The following STPG2 variants were observed in gnomAD, a reference collection of about 807,000 sequenced individuals.
STPG2 encodes sperm tail PG-rich repeat containing 2.
Under a neutral mutation model 54.2 loss-of-function variants are expected in STPG2, and 56 were observed. That is an observed-to-expected ratio of 1.03 (90% CI 0.83 to 1.29). The LOEUF (loss-of-function observed/expected upper bound fraction) is 1.29, where lower values mean the gene tolerates loss of function less well. STPG2 is among the 50% of genes most tolerant of loss of function. The probability of loss-of-function intolerance (pLI) is 0.00; values close to 1 mark genes in which losing one functional copy is unlikely to be tolerated. For synonymous variants in STPG2, 200 were observed against 181.8 expected, an observed-to-expected ratio of 1.10 and a Z score of -0.81; for missense variants, 596 against 544.9, an observed-to-expected ratio of 1.09 and a Z score of -0.93.
At chr4:97,924,286 A>G (rs1330304524) in intron 8 of STPG2, among the ~76,000 whole-genome samples, 2 of 152,168 alleles carry the variant, frequency 1.3e-5, no homozygotes, top group East Asian at 3.9e-4. Context: ...CCAAGAACCC[A>G]CCAATTCCAG....
intron 4 of STPG2, among the ~76,000 whole-genome samples, chr4:97,541,403 C>T (rs910373036): frequency 3.3e-4 from 50 of 152,218 alleles, no homozygotes; most frequent in African/African-American, 1.2e-3. Flanking sequence ...CCTAGGAATC[C>T]AAGTTACAAG....
At chr4:97,674,284 G>A (rs1489706506) in intron 10 of STPG2, among the ~76,000 whole-genome samples, 1 of 150,990 alleles carries the variant, frequency 6.6e-6, no homozygotes. Context: ...ACTGAAAAAA[G>A]AGAAGAAAAA....
At chr4:97,779,310 T>C (rs142495135) in intron 9 of STPG2, among the ~76,000 whole-genome samples, 1 of 152,018 alleles carries the variant, frequency 6.6e-6, no homozygotes, top group African/African-American at 2.4e-5. Flanking sequence ...ACCGATTCGA[T>C]CAACTGGAAG....
At chr4:97,967,412 G>T (rs1379721842) in intron 7 of STPG2, among the ~76,000 whole-genome samples, 1 of 152,084 alleles carries the variant, frequency 6.6e-6, no homozygotes, top group East Asian at 1.9e-4. Flanking sequence ...AATAATGGGA[G>T]ACTTGAACAC....
At chr4:97,901,448 TG>T (rs973631779) in intron 8 of STPG2, among the ~76,000 whole-genome samples, 3 of 151,974 alleles carry the variant, frequency 2.0e-5, no homozygotes, top group African/African-American at 7.2e-5. Flanking sequence ...TAAAGACTAC[TG>T]CCCCCCCAAA....
chr4:97,961,624 G>A (rs1168582672), intron 7 of STPG2, among the ~76,000 whole-genome samples: 2 of 152,014 alleles, frequency 1.3e-5, no homozygotes, highest in Non-Finnish European at 2.9e-5. Flanking sequence ...CATCATTAAT[G>A]ATCAGGTAAA....
At chr4:97,634,714 G>A (rs1234024437) in intron 10 of STPG2, among the ~76,000 whole-genome samples, 1 of 152,078 alleles carries the variant, frequency 6.6e-6, no homozygotes, top group African/African-American at 2.4e-5. Context: ...AGGAGCCGAT[G>A]CAATCAACTG....
At chr4:97,493,121 GAGACCAAGAGA>G (rs1730536096) in intron 4 of STPG2, among the ~76,000 whole-genome samples, 2 of 150,816 alleles carry the variant, frequency 1.3e-5, no homozygotes, top group African/African-American at 4.9e-5. Flanking sequence ...AGGCCACCTA[GAGACCAAGAGA>G]CATTTAGTCT....
At chr4:98,073,888 G>GA (rs1178371967) in intron 5 of STPG2, among the ~76,000 whole-genome samples, 4 of 152,040 alleles carry the variant, frequency 2.6e-5, no homozygotes, top group African/African-American at 4.8e-5. Context: ...GCTTATAAGA[G>GA]AAAAAATCAA....
rs375039951 is a variant in STPG2, at chr4:97,680,825, G to A, written c.1320+31874C>T. ...ATTACGCTGTTACCCATGAAGACCT[G>A]AATAATAACAATATATAAAATGTGT... is the stretch of plus-strand genomic sequence containing the variant. On this transcript the variant is annotated intron_variant, in intron 10 of 10. Transcript: ENST00000295268. Among the ~76,000 whole-genome samples, 69 of 151,836 alleles carry A rather than the reference G, an allele frequency of 4.5e-4. 4 individuals carry two copies. In the South Asian group the frequency reaches 0.014, roughly 30 times the overall value.
intron 4 of STPG2, among the ~76,000 whole-genome samples, chr4:97,485,606 C>T (rs1361876825): frequency 6.6e-6 from 1 of 151,708 alleles, no homozygotes; most frequent in Non-Finnish European, 1.5e-5. Flanking sequence ...GGATAGAATC[C>T]AATATTGTGA....
chr4:98,103,439 C>T (rs1309682359), intron 5 of STPG2, among the ~76,000 whole-genome samples: 3 of 151,924 alleles, frequency 2.0e-5, no homozygotes, highest in Non-Finnish European at 2.9e-5. Flanking sequence ...GTCAGGAGTT[C>T]GAGACCAGCC....
At chr4:97,672,714 T>A (rs980146816) in intron 10 of STPG2, among the ~76,000 whole-genome samples, 1 of 152,120 alleles carries the variant, frequency 6.6e-6, no homozygotes, top group East Asian at 1.9e-4. Flanking sequence ...CAGGAGAACA[T>A]GACTGAGTTT....
chr4:97,949,850 A>G (rs1733397884), intron 7 of STPG2, among the ~76,000 whole-genome samples: 2 of 151,322 alleles, frequency 1.3e-5, no homozygotes, highest in Admixed American at 6.6e-5. Flanking sequence ...TAGCTAGATG[A>G]CTATATGCCT....
intron 8 of STPG2, among the ~76,000 whole-genome samples, chr4:97,901,067 C>A (rs911310959): frequency 6.6e-6 from 1 of 151,878 alleles, no homozygotes; most frequent in Non-Finnish European, 1.5e-5. Context: ...GTCCTTGTAA[C>A]ATATTGAATA....
chr4:97,473,638 A>T (rs1729999712), intron 4 of STPG2, among the ~76,000 whole-genome samples: 1 of 151,964 alleles, frequency 6.6e-6, no homozygotes, highest in Non-Finnish European at 1.5e-5. Context: ...GTGATATTCT[A>T]TTACCTTGTG....
At chr4:98,005,510 T>TG (rs1460152036) in intron 5 of STPG2, among the ~76,000 whole-genome samples, 1 of 152,222 alleles carries the variant, frequency 6.6e-6, no homozygotes, top group East Asian at 1.9e-4. Context: ...TTGACTATAA[T>TG]GTTAGCTGTG....
chr4:98,006,576 G>A (rs955170188), intron 5 of STPG2, among the ~76,000 whole-genome samples: 3 of 152,112 alleles, frequency 2.0e-5, no homozygotes, highest in African/African-American at 7.2e-5. Context: ...TGGAGTGTTG[G>A]GTCTGGAGCA....
intron 10 of STPG2, among the ~76,000 whole-genome samples, chr4:97,594,618 G>T (rs1256273000): frequency 2.0e-5 from 3 of 152,146 alleles, no homozygotes; most frequent in African/African-American, 7.2e-5. Flanking sequence ...CACCGGAAAA[G>T]CCAACATTCA....
Sources: gnomAD v4.1 joint callset for allele counts (sites outside exome capture counted in the v4.1 genomes callset) on GRCh38, gnomAD v4.1.1 for gene constraint, MANE v1.5 for transcripts, NCBI Gene and HGNC (gene_info 2026-07-23, HGNC 2026-07-21) for gene names.